Variants in ZFP91 observed in about 807,000 individuals in gnomAD.
ZFP91 encodes the protein E3 ubiquitin-protein ligase ZFP91.
Under a neutral mutation model 63.5 loss-of-function variants are expected in ZFP91, and 7 were observed. The observed-to-expected ratio is 0.11, with a 90% CI of 0.06 to 0.21. The LOEUF (loss-of-function observed/expected upper bound fraction) is 0.21. Ranked by LOEUF, ZFP91 falls within the 10% of genes least tolerant of loss-of-function variation. The pLI is 1.00. For missense variants in ZFP91, 628 were observed against 736.6 expected, an observed-to-expected ratio of 0.85 and a Z score of 1.71; for synonymous variants, 330 against 272.1, an observed-to-expected ratio of 1.21 and a Z score of -2.10.
intron 2 of ZFP91, among the ~76,000 whole-genome samples, chr11:58,596,862 T>G (rs1855412786): frequency 6.6e-6 from 1 of 152,194 alleles, no homozygotes; most frequent in African/African-American, 2.4e-5. Context: ...TTCCTGACTT[T>G]CATGATGTTC....
rs762681368 is a variant in ZFP91 at position 58,618,010 on chromosome 11, C to G, written c.*304C>G. ...GTTCCAGCCATCAGCAGACTTCCTG[C>G]TCATCGGCAGATCCCCCTTTCCAAC... On this transcript the variant is annotated 3_prime_UTR_variant, in exon 11 of 11. Transcript: ENST00000316059. The G allele has an allele frequency of 2.3e-5, 6 of 256,904 alleles. No homozygotes were observed. The highest frequency in any genetic ancestry group is 4.3e-5 in the Non-Finnish European group (6 of 137,984). The allele number at this position is 256,904 out of a possible 1,614,324, so 15.9% of individuals were successfully genotyped here.
Position 58,618,136 on chromosome 11 carries a change from C to G in ZFP91, c.*430C>G, listed in dbSNP as rs1042282065. The stretch of plus-strand genomic sequence containing the variant: ...CTCTACTGCTGCCCTATGGTTCTGG[C>G]TCCTACCCCCTGCGGCACACTTATC... On this transcript the variant is annotated 3_prime_UTR_variant, in exon 11 of 11. Transcript: ENST00000316059. 2 of 158,248 alleles carry G rather than the reference C, an allele frequency of 1.3e-5. No homozygotes were observed. The allele number at this position is 158,248 out of a possible 1,614,324, so 9.8% of individuals were successfully genotyped here. A position where few individuals can be genotyped will look rare whatever the true frequency, so the allele number is the denominator to read the frequency against.
rs115310741 is a variant in ZFP91 at position 58,617,060 on chromosome 11, T to C, written c.1203-136T>C. The C allele has an allele frequency of 5.5e-4, 511 of 931,696 alleles. 2 individuals carry two copies. In the African/African-American group the frequency reaches 7.8e-3, roughly 14 times the overall value. The allele number at this position is 931,696 out of a possible 1,614,324, so 57.7% of individuals were successfully genotyped here. ...TTCCCAATCCTTCAAAAGAAGTATG[T>C]TACTGATTATTGTGTGTGTGTGTGT... is the stretch of plus-strand genomic sequence containing the variant. On this transcript the variant is annotated intron_variant, in intron 10 of 10. Coordinates refer to ENST00000316059, the MANE Select transcript of ZFP91 (RefSeq NM_053023.5). The surrounding 1 kb of genome is among the most constrained non-coding windows in gnomAD (Gnocchi z 4.2).
At chr11:58,603,040 G>C (rs1470307807) in intron 2 of ZFP91, among the ~76,000 whole-genome samples, 1 of 152,184 alleles carries the variant, frequency 6.6e-6, no homozygotes, top group Non-Finnish European at 1.5e-5. Flanking sequence ...ACAGAAATAT[G>C]AGTGTTAAAG....
At chr11:58,611,431 A>G (rs1855660763) in intron 5 of ZFP91, 173 bp from the exon 6 acceptor site, 1 of 831,942 alleles carries the variant, frequency 1.2e-6, no homozygotes, top group South Asian at 2.3e-5. Context: ...CAACATATAC[A>G]TATATTTGGA....
intron 2 of ZFP91, among the ~76,000 whole-genome samples, chr11:58,596,907 T>C (rs778772133): frequency 9.9e-5 from 15 of 152,078 alleles, no homozygotes; most frequent in Non-Finnish European, 2.1e-4. Context: ...GAGTTAACAG[T>C]CCTTTTCCAT....
intron 2 of ZFP91, among the ~76,000 whole-genome samples, chr11:58,596,658 G>C (rs1855409044): frequency 1.3e-5 from 2 of 150,568 alleles, no homozygotes; most frequent in East Asian, 3.9e-4. Flanking sequence ...ATTTATCCAA[G>C]ATGCTTATTT....
At chr11:58,602,668 G>T (rs565281310) in intron 2 of ZFP91, among the ~76,000 whole-genome samples, 1 of 152,282 alleles carries the variant, frequency 6.6e-6, no homozygotes, top group African/African-American at 2.4e-5. Flanking sequence ...CCTGTGAATG[G>T]AACATTGAGA....
chr11:58,579,461 T>TGCGGCC lies in ZFP91; in HGVS notation c.183_188dup (p.Ala66_Ala67dup), dbSNP rs1379934104. On this transcript the variant is annotated inframe_insertion, in exon 1 of 11. Transcript: ENST00000316059. ...GAGGTCGGGACCGAGGCCGGGCCGC[T>TGCGGCC]GCGGCCGCCGCCGCCGCAGCTGTGT... The TGCGGCC allele has an allele frequency of 3.6e-5, 52 of 1,439,978 alleles. No homozygotes were observed. Among genetic ancestry groups the TGCGGCC allele is most frequent in the Non-Finnish European group, 4.6e-5 (51 of 1,104,112 alleles). 89.2% of individuals were successfully genotyped at this position (1,439,978 alleles called of 1,614,324 possible).
In ZFP91 at chr11:58,618,110, C is replaced by T. The variant is rs1855781783; in HGVS notation, c.*404C>T. The T allele has an allele frequency of 6.3e-6, 1 of 159,486 alleles. No homozygotes were observed. 9.9% of individuals were successfully genotyped at this position (159,486 alleles called of 1,614,324 possible). On this transcript the variant is annotated 3_prime_UTR_variant, in exon 11 of 11. Coordinates refer to ENST00000316059, the MANE Select transcript of ZFP91 (RefSeq NM_053023.5). ...TACTGTCTTCTAAATCCCTTCTCCT[C>T]CTCTACTGCTGCCCTATGGTTCTGG...
At chr11:58,605,843 C>T (rs1327397915) in intron 2 of ZFP91, among the ~76,000 whole-genome samples, 3 of 152,082 alleles carry the variant, frequency 2.0e-5, no homozygotes, top group Non-Finnish European at 4.4e-5. Context: ...TTTCTCCTCT[C>T]CTTCTGCAAA....
At chr11:58,605,405 T>A (rs1336914983) in intron 2 of ZFP91, among the ~76,000 whole-genome samples, 1 of 152,260 alleles carries the variant, frequency 6.6e-6, no homozygotes, top group African/African-American at 2.4e-5. Flanking sequence ...TTAAGTGCTC[T>A]CTAGTGTCCT....
At position 58,589,703 on chromosome 11, in the gene ZFP91, C is replaced by A. The variant is rs77890484; in HGVS notation, c.370+4819C>A. 7.2e-3 allele frequency among the ~76,000 whole-genome samples: 1,096 copies of A among 152,278 alleles called. 8 individuals are homozygous for A. Among genetic ancestry groups the A allele is most frequent in the African/African-American group, 0.022 (931 of 41,554 alleles). Reference sequence around the variant, plus strand: ...TAAGGTAGCAGTAACTGTATTATTTCTCTTAGTATGAGAATAATTTACTCA... The same window carrying A: ...TAAGGTAGCAGTAACTGTATTATTTATCTTAGTATGAGAATAATTTACTCA... On this transcript the variant is annotated intron_variant, in intron 2 of 10. Transcript: ENST00000316059.
At chr11:58,596,921 A>G (rs183723142) in intron 2 of ZFP91, among the ~76,000 whole-genome samples, 8 of 151,768 alleles carry the variant, frequency 5.3e-5, no homozygotes, top group African/African-American at 7.3e-5. Context: ...TTTCCATAGA[A>G]TATCGTGTAA....
At chr11:58,582,433 T>A (rs1323246494) in intron 1 of ZFP91, among the ~76,000 whole-genome samples, 2 of 152,230 alleles carry the variant, frequency 1.3e-5, no homozygotes, top group Non-Finnish European at 2.9e-5. Context: ...TTCGCGCTAG[T>A]CCTTTTTCCA....
chr11:58,612,483 C>T (rs1263856392), intron 7 of ZFP91, 155 bp downstream of exon 7: 2 of 704,202 alleles, frequency 2.8e-6, no homozygotes, highest in South Asian at 2.0e-5. Context: ...GTGTTATGAT[C>T]TTATTTTCAT....
intron 7 of ZFP91, 42 bp from the exon 8 acceptor site, chr11:58,612,719 CT>C (rs35224542): frequency 7.6e-3 from 9,529 of 1,256,844 alleles, no homozygotes; most frequent in Non-Finnish European, 8.5e-3. Context: ...CAGAGTACCA[CT>C]TTTTTTTTTT....
At chr11:58,583,953 A>T (rs1855161442) in intron 1 of ZFP91, among the ~76,000 whole-genome samples, 1 of 151,918 alleles carries the variant, frequency 6.6e-6, no homozygotes, top group Non-Finnish European at 1.5e-5. Flanking sequence ...GTTCAGAGAT[A>T]CTCTGTGGTA....
At chr11:58,599,531 C>T (rs992654082) in intron 2 of ZFP91, among the ~76,000 whole-genome samples, 1 of 151,882 alleles carries the variant, frequency 6.6e-6, no homozygotes, top group Non-Finnish European at 1.5e-5. Context: ...TTTTAGTTAG[C>T]CATTGTAGTA....
Sources: gnomAD v4.1 joint callset for allele counts (sites outside exome capture counted in the v4.1 genomes callset) on GRCh38, gnomAD v4.1.1 for gene constraint, Gnocchi (gnomAD v3.1) non-coding constraint, MANE v1.5 for transcripts, NCBI Gene and HGNC (gene_info 2026-07-23, HGNC 2026-07-21) for gene names.